The following CCL28 variants were observed in gnomAD, a reference collection of about 807,000 sequenced individuals.
CCL28 encodes C-C motif chemokine ligand 28, also known as C-C motif chemokine 28.
Under a neutral mutation model 7.1 loss-of-function variants are expected in CCL28, and 4 were observed. The ratio of observed to expected loss-of-function variants is 0.56; its 90% CI spans 0.28 to 1.29. The LOEUF (loss-of-function observed/expected upper bound fraction) is 1.29, where lower values mean the gene tolerates loss of function less well. CCL28 is among the 50% of genes most tolerant of loss of function. CCL28 has a pLI of 0.11. For synonymous variants in CCL28, 55 were observed against 57.8 expected, an observed-to-expected ratio of 0.95 and a Z score of 0.22; for missense variants, 151 against 163.4, an observed-to-expected ratio of 0.92 and a Z score of 0.41.
At chr5:43,411,138 T>A (rs1364753398) in intron 1 of CCL28, among the ~76,000 whole-genome samples, 1 of 152,146 alleles carries the variant, frequency 6.6e-6, no homozygotes, top group African/African-American at 2.4e-5. Context: ...AAAATCCAAT[T>A]TGTATGTGTG....
intron 1 of CCL28, among the ~76,000 whole-genome samples, chr5:43,400,044 G>A (rs767081593): frequency 1.3e-5 from 2 of 151,866 alleles, no homozygotes; most frequent in Non-Finnish European, 2.9e-5. Context: ...ACAGGGTGTT[G>A]TATGTTACCC....
At chr5:43,365,452 T>C in the CCL28 span, among the ~76,000 whole-genome samples, 1 of 152,284 alleles carries the variant, frequency 6.6e-6, no homozygotes, top group African/African-American at 2.4e-5. Context: ...ATGCAGTTTC[T>C]TCATAATGTC....
chr5:43,377,716 ACTTTTTTTTTTTT>A (rs1441467265), downstream of CCL28, among the ~76,000 whole-genome samples: 1 of 45,660 alleles, frequency 2.2e-5, no homozygotes, highest in Non-Finnish European at 4.3e-5. Flanking sequence ...TAGAACTTAA[ACTTTTTTTTTTTT>A]TTTTTTTTTT....
At chr5:43,411,142 A>G (rs1741521951) in intron 1 of CCL28, among the ~76,000 whole-genome samples, 2 of 152,284 alleles carry the variant, frequency 1.3e-5, no homozygotes, top group South Asian at 4.2e-4. Context: ...TCCAATTTGT[A>G]TGTGTGTATG....
intron 1 of CCL28, among the ~76,000 whole-genome samples, chr5:43,390,691 G>T (rs1446573969): frequency 6.6e-6 from 1 of 152,214 alleles, no homozygotes; most frequent in Non-Finnish European, 1.5e-5. Context: ...TAAGGGTTCT[G>T]ATTATGCAAG....
At chr5:43,382,140 G>A in intron 2 of CCL28, 88 bp from the exon 3 acceptor site, 2 of 1,161,072 alleles carry the variant, frequency 1.7e-6, no homozygotes. Context: ...CCCACTTTGG[G>A]ACACTGTATT....
At position 43,381,850 on chromosome 5, in the gene CCL28, T is replaced by C; in HGVS notation, c.*10A>G. 6.2e-7 allele frequency: 1 copy of C among 1,605,570 alleles called. No homozygotes were observed. Among genetic ancestry groups the C allele is most frequent in the East Asian group, 2.2e-5 (1 of 44,766 alleles). On this transcript the variant is annotated 3_prime_UTR_variant, in exon 3 of 3. Coordinates refer to ENST00000361115, the MANE Select transcript of CCL28 (RefSeq NM_148672.3). ...GAGGAATTGTCTCTGTAGATTTATC[T>C]GTAGACTCTCTAATAAGGAGTTTTA...
At chr5:43,393,375 G>A (rs1170693253) in intron 1 of CCL28, among the ~76,000 whole-genome samples, 2 of 150,510 alleles carry the variant, frequency 1.3e-5, no homozygotes, top group African/African-American at 2.4e-5. Flanking sequence ...TTTTTTCTGA[G>A]GCAGAGTATC....
At chr5:43,409,899 G>T (rs1198403373) in intron 1 of CCL28, among the ~76,000 whole-genome samples, 1 of 152,038 alleles carries the variant, frequency 6.6e-6, no homozygotes, top group East Asian at 1.9e-4. Context: ...CAGCAGCCAC[G>T]TCAGCAGAGG....
chr5:43,369,094 G>T, the CCL28 span, among the ~76,000 whole-genome samples: 2 of 147,686 alleles, frequency 1.4e-5, no homozygotes, highest in Non-Finnish European at 1.5e-5. Context: ...GAACCAGTAA[G>T]ACAAAGTCAC....
chr5:43,396,700 C>A (rs866751253), intron 1 of CCL28, among the ~76,000 whole-genome samples: 2 of 151,608 alleles, frequency 1.3e-5, no homozygotes, highest in Non-Finnish European at 2.9e-5. Context: ...ACGAAAAAAA[C>A]GTGTGTTCAA....
intron 1 of CCL28, among the ~76,000 whole-genome samples, chr5:43,407,423 G>A (rs562433824): frequency 1.8e-4 from 28 of 152,314 alleles, no homozygotes; most frequent in Non-Finnish European, 1.5e-4. Flanking sequence ...ATGGTGCTGG[G>A]AAAACTGGCT....
At chr5:43,385,225 G>T (rs1740292893) in intron 2 of CCL28, among the ~76,000 whole-genome samples, 1 of 152,146 alleles carries the variant, frequency 6.6e-6, no homozygotes, top group African/African-American at 2.4e-5. Context: ...TTGTATTTAT[G>T]TTCAGAAACA....
chr5:43,370,666 C>G, the CCL28 span, among the ~76,000 whole-genome samples: 35 of 152,064 alleles, frequency 2.3e-4, no homozygotes, highest in Non-Finnish European at 2.6e-4. Flanking sequence ...GTCTGATTTT[C>G]CATTCACAGA....
chr5:43,378,905 G>T (rs1425583710), downstream of CCL28, among the ~76,000 whole-genome samples: 1 of 151,680 alleles, frequency 6.6e-6, no homozygotes, highest in East Asian at 1.9e-4. Context: ...AGATTGCAGT[G>T]AGCCGAGATT....
intron 2 of CCL28, 174 bp downstream of exon 2, chr5:43,388,176 A>C (rs1189067487): frequency 1.5e-6 from 1 of 684,456 alleles, no homozygotes; most frequent in Non-Finnish European, 2.4e-6. Context: ...CAGAGAGACT[A>C]TGAATTTACT....
At chr5:43,370,989 C>T in the CCL28 span, among the ~76,000 whole-genome samples, 1 of 152,088 alleles carries the variant, frequency 6.6e-6, no homozygotes, top group Admixed American at 6.5e-5. Context: ...TGATCCACCC[C>T]CTTTGGCCTC....
downstream of CCL28, chr5:43,376,690 TAGG>T (rs1398086497): frequency 1.3e-5 from 2 of 151,880 alleles, no homozygotes; most frequent in Non-Finnish European, 2.9e-5. Context: ...AGTCAGGAGG[TAGG>T]AGGAGATTCT....
the CCL28 span, among the ~76,000 whole-genome samples, chr5:43,368,473 G>T: frequency 6.6e-6 from 1 of 152,154 alleles, no homozygotes; most frequent in Admixed American, 6.5e-5. Context: ...AATATGAGGG[G>T]AGGTGCTATA....
Sources: allele counts gnomAD v4.1 joint callset (sites outside exome capture counted in the v4.1 genomes callset), GRCh38; gene constraint gnomAD v4.1.1; transcripts MANE v1.5; gene names NCBI Gene and HGNC (gene_info 2026-07-23, HGNC 2026-07-21).